PREX1: variants seen among roughly 807,000 people sequenced by gnomAD.
PREX1 encodes the protein phosphatidylinositol 3,4,5-trisphosphate-dependent Rac exchanger 1 protein.
A neutral mutation model predicts 198.3 loss-of-function variants in PREX1; 41 were observed. The observed-to-expected ratio is 0.21, with a 90% confidence interval of 0.16 to 0.27. The LOEUF is 0.27. PREX1 is among the 10% of genes least tolerant of loss of function. The probability of loss-of-function intolerance (pLI) is 1.00; values close to 1 mark genes in which losing one functional copy is unlikely to be tolerated. For synonymous variants in PREX1, 843 were observed against 887.2 expected, an observed-to-expected ratio of 0.95 and a Z score of 0.89; for missense variants, 1,620 against 2,200.7, an observed-to-expected ratio of 0.74 and a Z score of 5.28.
the PREX1 span, among the ~76,000 whole-genome samples, chr20:48,859,881 G>A: frequency 6.6e-6 from 1 of 152,206 alleles, no homozygotes. Flanking sequence ...GGCCAGGCAT[G>A]GTGGCGCATG....
At chr20:48,634,226 G>A (rs967956907) in intron 33 of PREX1, among the ~76,000 whole-genome samples, 2 of 152,176 alleles carry the variant, frequency 1.3e-5, no homozygotes, top group East Asian at 3.9e-4. Flanking sequence ...GCAGGTGGAA[G>A]GATGGGTGGA....
At chr20:48,884,830 G>T in the PREX1 span, among the ~76,000 whole-genome samples, 5 of 152,122 alleles carry the variant, frequency 3.3e-5, no homozygotes, top group Admixed American at 6.6e-5. Flanking sequence ...CAAATAAACC[G>T]GCAGGGCACG....
intron 14 of PREX1, among the ~76,000 whole-genome samples, chr20:48,673,445 C>T (rs932402590): frequency 6.6e-6 from 1 of 152,228 alleles, no homozygotes; most frequent in Non-Finnish European, 1.5e-5. Flanking sequence ...GGGATTCACC[C>T]TGGGAGCAAT....
chr20:48,654,500 G>C (rs1042215848), intron 19 of PREX1, among the ~76,000 whole-genome samples: 1 of 152,216 alleles, frequency 6.6e-6, no homozygotes, highest in Non-Finnish European at 1.5e-5. Flanking sequence ...CTAACCGCCA[G>C]AAACACCCCC....
chr20:48,867,586 A>G, the PREX1 span, among the ~76,000 whole-genome samples: 3 of 152,156 alleles, frequency 2.0e-5, no homozygotes, highest in African/African-American at 7.2e-5. Context: ...AAATAATTGT[A>G]TATAAAATTA....
At chr20:48,732,169 A>AC (rs2090037380) in intron 4 of PREX1, among the ~76,000 whole-genome samples, 1 of 152,266 alleles carries the variant, frequency 6.6e-6, no homozygotes, top group Non-Finnish European at 1.5e-5. Context: ...AGATGTAGGT[A>AC]CCGGCTATGA....
intron 9 of PREX1, 35 bp from the exon 10 acceptor site, chr20:48,688,839 C>T: frequency 1.2e-6 from 2 of 1,613,110 alleles, no homozygotes; most frequent in Non-Finnish European, 1.7e-6. Context: ...GGAGAGAGCA[C>T]CAGGCCCAGG....
chr20:48,651,616 G>A, intron 21 of PREX1, 33 bp from the exon 22 acceptor site: 2 of 1,591,226 alleles, frequency 1.3e-6, no homozygotes, highest in Non-Finnish European at 1.7e-6. Flanking sequence ...TCTGAGCAGA[G>A]ATCAGAGGGA....
At chr20:48,634,522 C>A (rs2089345809) in intron 33 of PREX1, among the ~76,000 whole-genome samples, 154 bp downstream of exon 33, 1 of 152,172 alleles carries the variant, frequency 6.6e-6, no homozygotes, top group Admixed American at 6.5e-5. Context: ...CTCTCACACT[C>A]ATGTTGGAGG....
intron 1 of PREX1, among the ~76,000 whole-genome samples, chr20:48,791,149 G>GCACACACA (rs11469380): frequency 6.6e-6 from 1 of 150,466 alleles, no homozygotes; most frequent in African/African-American, 2.4e-5. Flanking sequence ...GCAGATTCAT[G>GCACACACA]CACACACACA....
At chr20:48,869,312 T>G in the PREX1 span, among the ~76,000 whole-genome samples, 4 of 151,950 alleles carry the variant, frequency 2.6e-5, no homozygotes, top group African/African-American at 7.3e-5. Context: ...TTTTGTTTTT[T>G]TTTTTAGACG....
chr20:48,842,241 C>G, the PREX1 span, among the ~76,000 whole-genome samples: 1 of 152,158 alleles, frequency 6.6e-6, no homozygotes, highest in Non-Finnish European at 1.5e-5. Flanking sequence ...TTTAGGCGGC[C>G]ACAGACTTAT....
intron 5 of PREX1, among the ~76,000 whole-genome samples, chr20:48,713,691 C>T (rs1232907156): frequency 2.0e-5 from 3 of 148,298 alleles, no homozygotes; most frequent in Admixed American, 6.7e-5. Flanking sequence ...GAGTTATAAT[C>T]GGGCCACTGC....
chr20:48,639,713 A>C, intron 30 of PREX1, 53 bp downstream of exon 30: 1 of 1,597,842 alleles, frequency 6.3e-7, no homozygotes, highest in Non-Finnish European at 8.5e-7. Flanking sequence ...CAGGTTCCAC[A>C]CCAAAAGCCA....
intron 4 of PREX1, among the ~76,000 whole-genome samples, chr20:48,730,831 C>CA (rs574961821): frequency 2.9e-3 from 430 of 147,520 alleles, no homozygotes; most frequent in Middle Eastern, 7.0e-3. Context: ...CCCATCTCCA[C>CA]AAAAAAAAAA....
chr20:48,842,864 G>A, the PREX1 span, among the ~76,000 whole-genome samples: 4 of 151,884 alleles, frequency 2.6e-5, no homozygotes, highest in East Asian at 7.7e-4. Flanking sequence ...ACAGAATAAA[G>A]GTAGATAATG....
chr20:48,804,033 C>T (rs575493696), intron 1 of PREX1, among the ~76,000 whole-genome samples: 8 of 152,222 alleles, frequency 5.3e-5, no homozygotes, highest in Non-Finnish European at 1.2e-4. Flanking sequence ...CCCATTTTCT[C>T]CCCTGGACTG....
the PREX1 span, among the ~76,000 whole-genome samples, chr20:48,854,063 C>A: frequency 6.6e-6 from 1 of 152,236 alleles, no homozygotes; most frequent in African/African-American, 2.4e-5. Flanking sequence ...CTCCGAACAA[C>A]CCCTGGCAGT....
At chr20:48,885,898 G>A in the PREX1 span, among the ~76,000 whole-genome samples, 1 of 152,144 alleles carries the variant, frequency 6.6e-6, no homozygotes, top group African/African-American at 2.4e-5. Context: ...AGTTGCCAGG[G>A]GTTAGAGAAA....
Sources: allele counts gnomAD v4.1 joint callset (sites outside exome capture counted in the v4.1 genomes callset), GRCh38; gene constraint gnomAD v4.1.1; transcripts MANE v1.5; gene names NCBI Gene and HGNC (gene_info 2026-07-23, HGNC 2026-07-21).